The following ANAPC1 variants were observed in gnomAD, a reference collection of about 807,000 sequenced individuals.
ANAPC1 encodes anaphase promoting complex subunit 1.
Under a neutral mutation model 208.0 loss-of-function variants are expected in ANAPC1, and 36 were observed. That is an observed-to-expected ratio of 0.17 (90% CI 0.13 to 0.23). The LOEUF (loss-of-function observed/expected upper bound fraction) is 0.23, where lower values mean the gene tolerates loss of function less well. Ranked by LOEUF, ANAPC1 falls within the 10% of genes least tolerant of loss-of-function variation. The probability of loss-of-function intolerance (pLI) is 1.00; values close to 1 mark genes in which losing one functional copy is unlikely to be tolerated. For missense variants in ANAPC1, 942 were observed against 2,011.6 expected (o/e 0.47, Z 10.17); for synonymous variants, 378 against 695.2 (o/e 0.54, Z 7.18).
At chr2:111,789,198 T>C (rs1342756131) in intron 38 of ANAPC1, among the ~76,000 whole-genome samples, 1 of 152,220 alleles carries the variant, frequency 6.6e-6, no homozygotes, top group Non-Finnish European at 1.5e-5. Flanking sequence ...ATAAATTCTT[T>C]CCTCACCAAT....
chr2:111,874,895 G>C (rs1682941674), intron 3 of ANAPC1, among the ~76,000 whole-genome samples: 1 of 152,170 alleles, frequency 6.6e-6, no homozygotes, highest in Admixed American at 6.5e-5. Context: ...CTAGCTCGCA[G>C]CAGCCTAGAA....
rs188470466 is a variant in ANAPC1 at position 111,842,305 on chromosome 2, T to C, written c.2040+1107A>G. On this transcript the variant is annotated intron_variant, in intron 17 of 47. Coordinates refer to ENST00000341068, the MANE Select transcript of ANAPC1 (RefSeq NM_022662.4). ...TAATTATTTTCTTAATTCCTCCATT[T>C]TCCACATTTTCCTTTCATAATTAAG... 1.5e-3 allele frequency among the ~76,000 whole-genome samples: 223 copies of C among 152,294 alleles called. 1 individual carries two copies. The highest frequency in any genetic ancestry group is 5.2e-3 in the African/African-American group (214 of 41,548).
At chr2:111,863,532 A>AAAAAAAAAAT (rs201538940) in intron 9 of ANAPC1, 143 bp downstream of exon 9, 1 of 284,242 alleles carries the variant, frequency 3.5e-6, no homozygotes. Flanking sequence ...AAAAAAAAAA[A>AAAAAAAAAAT]GGCTCAATTG....
chr2:111,860,138 A>T (rs1360739617), intron 10 of ANAPC1, among the ~76,000 whole-genome samples: 1 of 151,542 alleles, frequency 6.6e-6, no homozygotes, highest in Non-Finnish European at 1.5e-5. Flanking sequence ...TCTCTGCAAA[A>T]ATTACAAAAA....
Position 111,768,935 on chromosome 2 carries a change from A to G in ANAPC1, c.*356T>C. ...ACTTTATGACATAGCTTCTTTTAAA[A>G]CTTGGCATTTTTGGGCATAGTCACT... On this transcript the variant is annotated 3_prime_UTR_variant, in exon 48 of 48. Coordinates refer to ENST00000341068, the MANE Select transcript of ANAPC1 (RefSeq NM_022662.4). The G allele has an allele frequency of 3.4e-6, 1 of 295,256 alleles. No homozygotes were observed. Among genetic ancestry groups the G allele is most frequent in the Admixed American group, 4.7e-5 (1 of 21,146 alleles). 18.3% of individuals were successfully genotyped at this position (295,256 alleles called of 1,614,324 possible). A position where few individuals can be genotyped will look rare whatever the true frequency, so the allele number is the denominator to read the frequency against.
At chr2:111,853,226 CATT>C (rs1417591379) in intron 13 of ANAPC1, among the ~76,000 whole-genome samples, 2 of 152,054 alleles carry the variant, frequency 1.3e-5, no homozygotes, top group African/African-American at 2.4e-5. Context: ...TTACCCATGT[CATT>C]ATATTTGAAG....
At chr2:111,823,385 T>C (rs757619385) in intron 24 of ANAPC1, among the ~76,000 whole-genome samples, 3 of 151,972 alleles carry the variant, frequency 2.0e-5, no homozygotes, top group Non-Finnish European at 4.4e-5. Flanking sequence ...GGAAAACAGT[T>C]GGTATGTATA....
rs374361837 is a variant in ANAPC1, at chr2:111,841,187, A to G, written c.2040+2225T>C. Among the ~76,000 whole-genome samples the G allele has an allele frequency of 2.3e-3, 347 of 152,174 alleles. 14 individuals carry two copies. In the East Asian group the frequency reaches 0.052, roughly 23 times the overall value. On this transcript the variant is annotated intron_variant, in intron 17 of 47. Transcript: ENST00000341068. The stretch of plus-strand genomic sequence containing the variant: ...CTCAGATGGAAAATGGCATTCACTC[A>G]ACAAATGTTCACTGAGTATCCTTCT...
Position 111,837,586 on chromosome 2 carries a change from G to C in ANAPC1, c.2115+852C>G, listed in dbSNP as rs1291411166. ...ACATCGTGCCACTGCACTCCAGCCT[G>C]GGCGATAAGGCGAGACTCCGTCTCA... On this transcript the variant is annotated intron_variant, in intron 18 of 47. Transcript: ENST00000341068. Among the ~76,000 whole-genome samples the C allele has an allele frequency of 5.9e-5, 9 of 151,404 alleles. No individual in the cohort carries two copies. The East Asian group carries it at 1.8e-3, about 30-fold the overall frequency.
At chr2:111,843,821 T>C (rs1407996061) in intron 16 of ANAPC1, among the ~76,000 whole-genome samples, 2 of 9,498 alleles carry the variant, frequency 2.1e-4, no homozygotes, top group African/African-American at 1.2e-3. Flanking sequence ...TGAAGACAGC[T>C]TTTTTTTTTT....
At chr2:111,794,168 A>G in intron 36 of ANAPC1, 37 bp from the exon 37 acceptor site, 4 of 1,470,088 alleles carry the variant, frequency 2.7e-6, no homozygotes, top group Non-Finnish European at 3.7e-6. Flanking sequence ...AGTTATAAGA[A>G]GCATCTTAAA....
chr2:111,878,113 A>T (rs1329650108), intron 3 of ANAPC1, among the ~76,000 whole-genome samples: 1 of 152,198 alleles, frequency 6.6e-6, no homozygotes, highest in African/African-American at 2.4e-5. Flanking sequence ...CAGGTAATCC[A>T]CAGGGTGATG....
chr2:111,837,208 T>C (rs1030953856), intron 18 of ANAPC1, among the ~76,000 whole-genome samples: 1 of 152,240 alleles, frequency 6.6e-6, no homozygotes, highest in African/African-American at 2.4e-5. Flanking sequence ...ATAAATCTTA[T>C]ACCAAAGATT....
At chr2:111,774,660 T>TTA (rs1458555800) in intron 46 of ANAPC1, among the ~76,000 whole-genome samples, 1 of 4,454 alleles carries the variant, frequency 2.2e-4, no homozygotes, top group Non-Finnish European at 5.5e-4. Context: ...TGACAAGTCT[T>TTA]AAAAAAAAAA....
Position 111,773,813 on chromosome 2 carries a change from A to G in ANAPC1, c.5585-1338T>C, listed in dbSNP as rs370470895. Among the ~76,000 whole-genome samples, 3 of 152,264 alleles carry G rather than the reference A, an allele frequency of 2.0e-5. No individual in the cohort carries two copies. The South Asian group carries it at 6.2e-4, about 32-fold the overall frequency. Reference sequence around the variant, plus strand: ...GGGTGGTGTGGGGAGCAAGTGGTGTAAAAGAGGCTTTGTTGAGGAAAACAG... The same window carrying G: ...GGGTGGTGTGGGGAGCAAGTGGTGTGAAAGAGGCTTTGTTGAGGAAAACAG... On this transcript the variant is annotated intron_variant, in intron 46 of 47. Coordinates refer to ENST00000341068, the MANE Select transcript of ANAPC1 (RefSeq NM_022662.4).
At chr2:111,837,114 T>C (rs1680513158) in intron 18 of ANAPC1, among the ~76,000 whole-genome samples, 1 of 151,848 alleles carries the variant, frequency 6.6e-6, no homozygotes, top group Non-Finnish European at 1.5e-5. Context: ...CAAACCATGG[T>C]ATATTCACAC....
At chr2:111,794,200 AAAAAG>A (rs1678039886) in intron 36 of ANAPC1, 28 bp downstream of exon 36, 1 of 1,566,128 alleles carries the variant, frequency 6.4e-7, no homozygotes, top group African/African-American at 1.4e-5. Flanking sequence ...ACAAACAAAA[AAAAAG>A]AACACAGTAA....
At chr2:111,877,633 A>C (rs1268441780) in intron 3 of ANAPC1, among the ~76,000 whole-genome samples, 1 of 151,998 alleles carries the variant, frequency 6.6e-6, no homozygotes, top group Non-Finnish European at 1.5e-5. Context: ...ATAAAAACAA[A>C]ATTAGCCGGG....
chr2:111,796,400 G>A (rs889202927), intron 34 of ANAPC1, among the ~76,000 whole-genome samples: 7 of 146,748 alleles, frequency 4.8e-5, no homozygotes, highest in African/African-American at 7.9e-5. Flanking sequence ...GTGCGATCAC[G>A]GCTCATTGCA....
Sources: gnomAD v4.1 joint callset for allele counts (sites outside exome capture counted in the v4.1 genomes callset) on GRCh38, gnomAD v4.1.1 for gene constraint, MANE v1.5 for transcripts, NCBI Gene and HGNC (gene_info 2026-07-23, HGNC 2026-07-21) for gene names.